ROBO2: variants seen among roughly 807,000 people sequenced by gnomAD.
ROBO2 encodes the protein roundabout guidance receptor 2, also known as roundabout homolog 2.
A neutral mutation model predicts 160.8 loss-of-function variants in ROBO2; 53 were observed. That is an observed-to-expected ratio of 0.33 (90% CI 0.26 to 0.41). ROBO2 has a LOEUF of 0.41. Ranked by LOEUF, ROBO2 falls within the 10% of genes least tolerant of loss-of-function variation. ROBO2 has a pLI of 1.00. For synonymous variants in ROBO2, 664 were observed against 611.7 expected (o/e 1.09, Z -1.26); for missense variants, 1,577 against 1,722.4 (o/e 0.92, Z 1.49).
chr3:76,582,658 G>GAC (rs1351307829), intron 2 of ROBO2, among the ~76,000 whole-genome samples: 2 of 152,076 alleles, frequency 1.3e-5, no homozygotes, highest in African/African-American at 4.8e-5. Flanking sequence ...TTCCTTTCAA[G>GAC]TTATATGTGA....
intron 2 of ROBO2, among the ~76,000 whole-genome samples, chr3:77,402,888 C>T (rs774356252): frequency 6.6e-6 from 1 of 152,076 alleles, no homozygotes; most frequent in Non-Finnish European, 1.5e-5. Flanking sequence ...TACTTTCTTT[C>T]ATTCCTGCTC....
At chr3:77,626,523 G>A (rs1158878641) in intron 23 of ROBO2, among the ~76,000 whole-genome samples, 2 of 152,164 alleles carry the variant, frequency 1.3e-5, no homozygotes, top group South Asian at 2.1e-4. Flanking sequence ...TCTGTCTTCA[G>A]GAATAAGCCT....
intron 2 of ROBO2, among the ~76,000 whole-genome samples, chr3:77,327,851 A>T (rs1350981797): frequency 6.6e-6 from 1 of 151,984 alleles, no homozygotes; most frequent in Non-Finnish European, 1.5e-5. Flanking sequence ...GGAGTTTGAG[A>T]CTAGCCTGGA....
chr3:76,522,475 A>C (rs1209771585), intron 2 of ROBO2, among the ~76,000 whole-genome samples: 1 of 152,212 alleles, frequency 6.6e-6, no homozygotes, highest in Non-Finnish European at 1.5e-5. Context: ...TTTGAAAAGT[A>C]AAATGTCAAG....
At chr3:76,465,115 A>T (rs748050422) in intron 2 of ROBO2, among the ~76,000 whole-genome samples, 1 of 152,128 alleles carries the variant, frequency 6.6e-6, no homozygotes, top group Non-Finnish European at 1.5e-5. Flanking sequence ...TTACTACATG[A>T]ATCATAATTT....
intron 2 of ROBO2, among the ~76,000 whole-genome samples, chr3:76,837,254 T>G (rs2067786004): frequency 6.6e-6 from 1 of 151,850 alleles, no homozygotes; most frequent in African/African-American, 2.4e-5. Context: ...CACAAACACT[T>G]TAGCTTTATA....
rs999970253 is a variant in ROBO2 at position 77,626,446 on chromosome 3, C to G, written c.3760+4014C>G. 4.6e-5 allele frequency among the ~76,000 whole-genome samples: 7 copies of G among 152,056 alleles called. No homozygotes were observed. In the East Asian group the frequency reaches 1.3e-3, roughly 29 times the overall value. On this transcript the variant is annotated intron_variant, in intron 23 of 25. Transcript: ENST00000461745. ...ACACCTATTTGATTGTAATAAAATA[C>G]AACATATTTATTTATTGCAGCTCAT...
At chr3:76,548,434 G>C (rs1328697746) in intron 2 of ROBO2, among the ~76,000 whole-genome samples, 1 of 152,114 alleles carries the variant, frequency 6.6e-6, no homozygotes, top group East Asian at 1.9e-4. Context: ...ATGGCACCCT[G>C]TCTTTGAGAA....
At chr3:77,376,378 G>A (rs1020009054) in intron 2 of ROBO2, among the ~76,000 whole-genome samples, 4 of 151,752 alleles carry the variant, frequency 2.6e-5, no homozygotes, top group East Asian at 2.0e-4. Context: ...ATCTGGTCTC[G>A]AACTCCTGAC....
chr3:77,310,747 C>T (rs1353772956), intron 2 of ROBO2, among the ~76,000 whole-genome samples: 1 of 151,012 alleles, frequency 6.6e-6, no homozygotes, highest in Admixed American at 6.6e-5. Context: ...TAATTTAGAA[C>T]AACCCTGTAT....
intron 2 of ROBO2, among the ~76,000 whole-genome samples, chr3:76,020,058 C>G (rs1017588062): frequency 1.3e-5 from 2 of 152,046 alleles, no homozygotes; most frequent in Middle Eastern, 3.4e-3. Flanking sequence ...TTGATTTCTT[C>G]ATATGTTTTG....
At chr3:76,160,998 A>C (rs1432270068) in intron 2 of ROBO2, among the ~76,000 whole-genome samples, 9 of 152,178 alleles carry the variant, frequency 5.9e-5, no homozygotes, top group African/African-American at 2.2e-4. Context: ...CCTCATAACT[A>C]ATACCAACAG....
chr3:76,233,982 C>T (rs1365504122), intron 2 of ROBO2, among the ~76,000 whole-genome samples: 1 of 152,154 alleles, frequency 6.6e-6, no homozygotes. Flanking sequence ...CACGCTCCAA[C>T]CTCAAGTAGA....
chr3:77,292,659 A>G (rs1434627336), intron 2 of ROBO2, among the ~76,000 whole-genome samples: 1 of 151,082 alleles, frequency 6.6e-6, no homozygotes, highest in Non-Finnish European at 1.5e-5. Context: ...CAGTAAAGAC[A>G]TAAAGTAAAA....
chr3:76,512,571 G>T (rs1379673525), intron 2 of ROBO2, among the ~76,000 whole-genome samples: 1 of 152,050 alleles, frequency 6.6e-6, no homozygotes, highest in African/African-American at 2.4e-5. Flanking sequence ...TCAGTAGCCT[G>T]TAAATTCAGT....
intron 2 of ROBO2, among the ~76,000 whole-genome samples, chr3:77,370,372 T>A (rs2071562352): frequency 6.6e-6 from 1 of 152,232 alleles, no homozygotes; most frequent in African/African-American, 2.4e-5. Context: ...CATCTCTCAG[T>A]ATATTGATGA....
intron 2 of ROBO2, among the ~76,000 whole-genome samples, chr3:76,821,581 G>A (rs945219335): frequency 2.6e-5 from 4 of 151,934 alleles, no homozygotes; most frequent in Admixed American, 2.0e-4. Flanking sequence ...AGGTTGTTAT[G>A]AGGGACTTTA....
intron 2 of ROBO2, among the ~76,000 whole-genome samples, chr3:76,835,699 A>G: frequency 6.6e-6 from 1 of 151,932 alleles, no homozygotes; most frequent in East Asian, 1.9e-4. Flanking sequence ...TCACATTATC[A>G]GTATTTTGTC....
chr3:76,573,004 G>A (rs1284909737), intron 2 of ROBO2, among the ~76,000 whole-genome samples: 1 of 152,096 alleles, frequency 6.6e-6, no homozygotes, highest in African/African-American at 2.4e-5. Flanking sequence ...CATTTGTGTA[G>A]TAGGAATCCA....
Sources: gnomAD v4.1 joint callset for allele counts (sites outside exome capture counted in the v4.1 genomes callset) on GRCh38, gnomAD v4.1.1 for gene constraint, MANE v1.5 for transcripts, NCBI Gene and HGNC (gene_info 2026-07-23, HGNC 2026-07-21) for gene names.